OCSTAMP: variants seen among roughly 807,000 people sequenced by gnomAD.
OCSTAMP encodes transmembrane protein C20orf123.
Under a neutral mutation model 25.2 loss-of-function variants are expected in OCSTAMP, and 17 were observed. The observed-to-expected ratio is 0.68, with a 90% CI of 0.46 to 1.01. OCSTAMP has a LOEUF of 1.01. OCSTAMP is among the 50% of genes least tolerant of loss of function. The probability of loss-of-function intolerance (pLI) is 0.00; values close to 1 mark genes in which losing one functional copy is unlikely to be tolerated. For synonymous variants in OCSTAMP, 345 were observed against 318.9 expected (o/e 1.08, Z -0.87); for missense variants, 664 against 694.6 (o/e 0.96, Z 0.50).
chr20:46,541,800 AG>A lies in OCSTAMP; in HGVS notation c.1174del (p.Leu392TyrfsTer72). 1.3e-6 allele frequency: 2 copies of A among 1,487,016 alleles called. No individual in the cohort carries two copies. Among genetic ancestry groups the A allele is most frequent in the Non-Finnish European group, 1.8e-6 (2 of 1,122,654 alleles). The allele number at this position is 1,487,016 out of a possible 1,614,324, so 92.1% of individuals were successfully genotyped here. Reference protein sequence around the residue: ...LRLTSARCPLLPARRPRAAAP... With the variant: ...LRLTSARCPLXPARRPRAAAP... The stretch of plus-strand genomic sequence containing the variant: ...AGCTGCGCGGGGACGCCGGGCGGGT[AG>A]CAGTGGGCAGCGGGCGGAGGTGAGG... On this transcript the variant is annotated frameshift_variant, in exon 3 of 3. Transcript: ENST00000279028. LOFTEE classifies it low-confidence loss of function (END_TRUNC).
In OCSTAMP at chr20:46,546,988, G is replaced by A. The variant is rs76980076; in HGVS notation, c.45-659C>T. On this transcript the variant is annotated intron_variant, in intron 1 of 2. Coordinates refer to ENST00000279028, the MANE Select transcript of OCSTAMP (RefSeq NM_080721.3). ...GTGGGGCTTGCACTATGTTAAGAGC[G>A]ATGGCAGAGGAGTAGTAAGGAAAGC... Among the ~76,000 whole-genome samples the A allele has an allele frequency of 5.4e-3, 830 of 152,336 alleles. 16 individuals carry two copies. Among genetic ancestry groups the A allele is most frequent in the African/African-American group, 0.019 (776 of 41,564 alleles).
At position 46,541,576 on chromosome 20, in the gene OCSTAMP, A is replaced by G. The variant is rs1228561759; in HGVS notation, c.1399T>C (p.Ser467Pro). The change falls in exon 3 of 3, where the codon TCT becomes CCT. Residue 467 changes from serine to proline, a missense_variant. By Grantham distance (74) the Ser-to-Pro change is moderately conservative. Transcript: ENST00000279028. ...GCAGGTCTGGGTGTGGGGACGCAAG[A>G]AGGATCCCCTAGGGGCAGCTGCTGG... ...QGQQLPLGDPSCVPTPRPACK... is the reference protein window; with the variant it reads ...QGQQLPLGDPPCVPTPRPACK... 1 of 1,551,504 alleles carries G rather than the reference A, an allele frequency of 6.4e-7. No homozygotes were observed. Among genetic ancestry groups the G allele is most frequent in the African/African-American group, 1.4e-5 (1 of 73,056 alleles).
Position 46,546,116 on chromosome 20 carries a change from A to C in OCSTAMP, c.258T>G (p.Thr86=). The C allele has an allele frequency of 6.4e-7, 1 of 1,551,784 alleles. No homozygotes were observed. The highest frequency in any genetic ancestry group is 8.7e-7 in the Non-Finnish European group (1 of 1,147,008). Residue 86 remains threonine (T), a synonymous_variant, in exon 2 of 3, where the codon ACT becomes ACG. Transcript: ENST00000279028. Reference sequence around the variant, plus strand: ...TCAGGAAGACCAGGAGGCCACAGACAGTGGCAACCATGGCTGAAGGTCCAG... The same window carrying C: ...TCAGGAAGACCAGGAGGCCACAGACCGTGGCAACCATGGCTGAAGGTCCAG... ...YPPGPSAMVA[T]VCGLLVFLSL... is the part of the protein sequence containing the mutation.
intron 2 of OCSTAMP, 137 bp downstream of exon 2, chr20:46,545,190 G>A (rs1272120308): frequency 7.3e-6 from 6 of 824,322 alleles, no homozygotes; most frequent in African/African-American, 3.5e-5. Flanking sequence ...CTCTGCCCAT[G>A]GTATGGGGCC....
chr20:46,541,756 C>G lies in OCSTAMP; in HGVS notation c.1219G>C (p.Ala407Pro). 2.6e-6 allele frequency: 4 copies of G among 1,536,596 alleles called. No homozygotes were observed. Among genetic ancestry groups the G allele is most frequent in the Non-Finnish European group, 3.5e-6 (4 of 1,141,280 alleles). Residue 407 changes from alanine to proline, a missense_variant, in exon 3 of 3, where the codon GCC becomes CCC. Coordinates refer to ENST00000279028, the MANE Select transcript of OCSTAMP (RefSeq NM_080721.3). ...PRAAAPLAAG[A>P]LQLLAGSTVL... The stretch of plus-strand genomic sequence containing the variant: ...GTGGAGCCCGCCAGGAGCTGCAGGG[C>G]CCCCGCGGCCAGCGGGGCAGCTGCG...
chr20:46,546,503 A>C (rs1268850957), intron 1 of OCSTAMP, among the ~76,000 whole-genome samples, 174 bp from the exon 2 acceptor site: 2 of 152,196 alleles, frequency 1.3e-5, no homozygotes, highest in African/African-American at 4.8e-5. Flanking sequence ...ACACAAGCTG[A>C]ACCAATCAGA....
At chr20:46,543,455 A>G (rs886174220) in intron 2 of OCSTAMP, among the ~76,000 whole-genome samples, 3 of 150,650 alleles carry the variant, frequency 2.0e-5, no homozygotes, top group South Asian at 4.2e-4. Flanking sequence ...CAGCCTCCTG[A>G]GTAGCTGGGA....
In OCSTAMP at chr20:46,541,119, T is replaced by A. The variant is rs2061831865; in HGVS notation, c.*155A>T. On this transcript the variant is annotated 3_prime_UTR_variant, in exon 3 of 3. Coordinates refer to ENST00000279028, the MANE Select transcript of OCSTAMP (RefSeq NM_080721.3). The stretch of plus-strand genomic sequence containing the variant: ...AGGATTTTGAGGCATATAAATAAGT[T>A]CCAGGAGCATTTCGAGAAATTCATG... 1 of 604,404 alleles carries A rather than the reference T, an allele frequency of 1.7e-6. No individual in the cohort carries two copies. Among genetic ancestry groups the A allele is most frequent in the African/African-American group, 1.9e-5 (1 of 53,866 alleles). 37.4% of individuals were successfully genotyped at this position (604,404 alleles called of 1,614,324 possible). A position where few individuals can be genotyped will look rare whatever the true frequency, so the allele number is the denominator to read the frequency against.
rs1601102740 is a variant in OCSTAMP, at chr20:46,545,473, G to A, written c.901C>T (p.Leu301=). Residue 301 remains leucine (L), a synonymous_variant, in exon 2 of 3, where the codon CTA becomes TTA. Transcript: ENST00000279028. ...LSQEELLSCL[L]RLGLLALLLV... ...AGCAGGGCAAGCAGCCCCAGCCTTA[G>A]AAGACAACTCAACAGCTCCTCCTGT... 2 of 1,551,534 alleles carry A rather than the reference G, an allele frequency of 1.3e-6. No individual in the cohort carries two copies. Among genetic ancestry groups the A allele is most frequent in the East Asian group, 2.4e-5 (1 of 40,912 alleles).
intron 1 of OCSTAMP, 64 bp from the exon 2 acceptor site, chr20:46,546,393 G>T: frequency 7.3e-7 from 1 of 1,372,460 alleles, no homozygotes; most frequent in Non-Finnish European, 9.9e-7. Flanking sequence ...TCTGTCCACT[G>T]CCCCTGCCCC....
chr20:46,547,706 A>G (rs1001507774), intron 1 of OCSTAMP, among the ~76,000 whole-genome samples: 2 of 152,178 alleles, frequency 1.3e-5, no homozygotes, highest in Non-Finnish European at 2.9e-5. Flanking sequence ...TGGGTCCAGG[A>G]GAGACGGGAA....
rs770464533 is a variant in OCSTAMP at position 46,545,619 on chromosome 20, A to G, written c.755T>C (p.Leu252Pro). The change falls in exon 2 of 3, where the codon CTG (leucine) becomes CCG (proline). Residue 252 changes from leucine (L) to proline (P), a missense_variant. Leu to Pro is a moderately conservative substitution (Grantham distance 98). Coordinates refer to ENST00000279028, the MANE Select transcript of OCSTAMP (RefSeq NM_080721.3). ...AGTGGCGTAGATATTGTCAAACCGC[A>G]GGTCTGTCAGGTAGCAATGGAGGTA... is the stretch of plus-strand genomic sequence containing the variant. ...AWYLHCYLTD[L>P]RFDNIYATQQ... 8.9e-5 allele frequency: 138 copies of G among 1,551,588 alleles called. 1 individual carries two copies. The Admixed American group carries it at 2.6e-3, about 29-fold the overall frequency.
At chr20:46,543,275 C>G (rs1286439379) in intron 2 of OCSTAMP, among the ~76,000 whole-genome samples, 2 of 135,434 alleles carry the variant, frequency 1.5e-5, no homozygotes, top group Non-Finnish European at 3.1e-5. Context: ...TTTTCTTTCT[C>G]TCTTTCTCTT....
At chr20:46,548,412 A>G (rs2061860033) in intron 1 of OCSTAMP, among the ~76,000 whole-genome samples, 1 of 152,166 alleles carries the variant, frequency 6.6e-6, no homozygotes, top group African/African-American at 2.4e-5. Context: ...GTGCTCCAAA[A>G]CTATTCATTA....
Position 46,542,171 on chromosome 20 carries a change from A to C in OCSTAMP, c.1048-244T>G, listed in dbSNP as rs529169369. Among the ~76,000 whole-genome samples, 3 of 152,314 alleles carry C rather than the reference A, an allele frequency of 2.0e-5. No individual in the cohort carries two copies. In the East Asian group the frequency reaches 5.8e-4, roughly 29 times the overall value. ...CTTTGAGCAGAATATTTTAGAGAAA[A>C]CAAATTGTCTATGGATGTTTGCTCC... is the stretch of plus-strand genomic sequence containing the variant. On this transcript the variant is annotated intron_variant, in intron 2 of 2. Coordinates refer to ENST00000279028, the MANE Select transcript of OCSTAMP (RefSeq NM_080721.3).
In OCSTAMP at chr20:46,546,118, T is replaced by C. The variant is rs2061851630; in HGVS notation, c.256A>G (p.Thr86Ala). 1 of 1,551,646 alleles carries C rather than the reference T, an allele frequency of 6.4e-7. No individual in the cohort carries two copies. The highest frequency in any genetic ancestry group is 2.4e-5 in the East Asian group (1 of 40,908). ...AGGAAGACCAGGAGGCCACAGACAG[T>C]GGCAACCATGGCTGAAGGTCCAGGA... is the stretch of plus-strand genomic sequence containing the variant. ...YPPGPSAMVATVCGLLVFLSL... is the reference protein window; with the variant it reads ...YPPGPSAMVAAVCGLLVFLSL... The change falls in exon 2 of 3, where the codon ACT (threonine) becomes GCT (alanine). Residue 86 changes from threonine (T) to alanine (A), a missense_variant. Transcript: ENST00000279028.
intron 1 of OCSTAMP, among the ~76,000 whole-genome samples, chr20:46,548,248 A>G (rs2061859225): frequency 6.6e-6 from 1 of 152,104 alleles, no homozygotes; most frequent in Non-Finnish European, 1.5e-5. Context: ...CAATAAAAGT[A>G]TGCACCTCCT....
rs879872097 is a variant in OCSTAMP at position 46,541,476 on chromosome 20, T to G, written c.1499A>C (p.Glu500Ala). The G allele has an allele frequency of 2.5e-5, 38 of 1,550,852 alleles. No individual in the cohort carries two copies. The highest frequency in any genetic ancestry group is 3.1e-5 in the Non-Finnish European group (36 of 1,146,356). ...ACTCAGGTCTCTGCAACTCCAAAGCTCTTTCCCTTCTCCCTCACTGCTCTC... is the reference window on the plus strand; with the variant it reads ...ACTCAGGTCTCTGCAACTCCAAAGCGCTTTCCCTTCTCCCTCACTGCTCTC... Reference protein sequence around the residue: ...RTESSEGEGKELWSCRDLSCN... With the variant: ...RTESSEGEGKALWSCRDLSCN... The change falls in exon 3 of 3, where the codon GAG becomes GCG. Residue 500 changes from glutamate to alanine, a missense_variant. Glu to Ala is a moderately radical substitution (Grantham distance 107). Coordinates refer to ENST00000279028, the MANE Select transcript of OCSTAMP (RefSeq NM_080721.3).
In OCSTAMP at chr20:46,545,545, C is replaced by T. The variant is rs1228966456; in HGVS notation, c.829G>A (p.Ala277Thr). 5 of 1,551,470 alleles carry T rather than the reference C, an allele frequency of 3.2e-6. No individual in the cohort carries two copies. Among genetic ancestry groups the T allele is most frequent in the Middle Eastern group, 3.3e-4 (2 of 5,988 alleles). The change falls in exon 2 of 3, where the codon GCC becomes ACC. Residue 277 changes from alanine to threonine, a missense_variant. By Grantham distance (58) the Ala-to-Thr change is moderately conservative (BLOSUM62 0). Transcript: ENST00000279028. ...TGGAGCAGCCAGGTGGGTGGAGGGG[C>T]CAGGAGGTGTGTAGCCTGGGCCTGT... ...LAQAQATHLLAPPPTWLLQAA... is the reference protein window; with the variant it reads ...LAQAQATHLLTPPPTWLLQAA...
Sources: allele counts gnomAD v4.1 joint callset (sites outside exome capture counted in the v4.1 genomes callset), GRCh38; gene constraint gnomAD v4.1.1; transcripts MANE v1.5; gene names NCBI Gene and HGNC (gene_info 2026-07-23, HGNC 2026-07-21).